GNG2: variants seen among roughly 807,000 people sequenced by gnomAD.
The protein encoded by GNG2 is guanine nucleotide-binding protein G(I)/G(S)/G(O) subunit gamma-2.
GNG2 carries 5 observed loss-of-function variants against 5.5 expected under a neutral mutation model. The ratio of observed to expected loss-of-function variants is 0.91; its 90% CI spans 0.48 to 1.92. The LOEUF is 1.92. GNG2 is among the 30% of genes most tolerant of loss of function. GNG2 has a pLI of 0.01. For missense variants in GNG2, 55 were observed against 88.4 expected, an observed-to-expected ratio of 0.62 and a Z score of 1.52; for synonymous variants, 28 against 32.0, an observed-to-expected ratio of 0.88 and a Z score of 0.42.
chr14:51,842,548 C>A (rs1050881615), intron 2 of GNG2, among the ~76,000 whole-genome samples: 1 of 152,172 alleles, frequency 6.6e-6, no homozygotes, highest in Non-Finnish European at 1.5e-5. Context: ...GAGGTCCCAC[C>A]CCAGTGGTCA....
intron 2 of GNG2, among the ~76,000 whole-genome samples, chr14:51,830,566 T>A (rs1336051729): frequency 6.6e-6 from 1 of 152,236 alleles, no homozygotes; most frequent in African/African-American, 2.4e-5. Context: ...TATATCCTTC[T>A]AATTAAGCCA....
upstream of GNG2, among the ~76,000 whole-genome samples, chr14:51,858,392 A>C (rs985513241): frequency 1.3e-5 from 2 of 152,222 alleles, no homozygotes; most frequent in African/African-American, 4.8e-5. Flanking sequence ...GAGTTTTATA[A>C]GGGCCAGAGA....
intron 2 of GNG2, among the ~76,000 whole-genome samples, chr14:51,908,416 A>C (rs989397793): frequency 6.6e-6 from 1 of 152,214 alleles, no homozygotes; most frequent in Non-Finnish European, 1.5e-5. Flanking sequence ...CACAGGCCCA[A>C]ATGCCTAGTT....
At chr14:51,960,172 T>C (rs1004597996) in intron 3 of GNG2, among the ~76,000 whole-genome samples, 19 of 130,938 alleles carry the variant, frequency 1.5e-4, no homozygotes, top group African/African-American at 5.2e-4. Context: ...TGTGTTTTGT[T>C]CATTTTTTTT....
At chr14:51,873,796 TG>T (rs769406812) in intron 1 of GNG2, 1 of 152,244 alleles carries the variant, frequency 6.6e-6, no homozygotes, top group Non-Finnish European at 1.5e-5. Flanking sequence ...TATTCTAATC[TG>T]GTTAGAGGCT....
intron 2 of GNG2, among the ~76,000 whole-genome samples, chr14:51,897,112 A>T (rs1195190534): frequency 1.3e-5 from 2 of 152,216 alleles, no homozygotes; most frequent in African/African-American, 4.8e-5. Context: ...TCCAGGAGTG[A>T]ATGTTGACTT....
intron 3 of GNG2, among the ~76,000 whole-genome samples, chr14:51,956,098 A>G (rs1889260276): frequency 2.0e-5 from 3 of 152,184 alleles, no homozygotes; most frequent in Admixed American, 2.0e-4. Context: ...ATTAGGAAAA[A>G]TGGAATACAA....
chr14:51,847,878 TTTC>T (rs1355533499), intron 2 of GNG2, among the ~76,000 whole-genome samples: 748 of 23,426 alleles, frequency 0.032, 12 homozygotes, highest in Middle Eastern at 0.081. Context: ...ACAGGTCCTT[TTTC>T]TTTTTTTTTT....
At chr14:51,859,337 G>A (rs1206370144), upstream of GNG2, among the ~76,000 whole-genome samples, 1 of 152,166 alleles carries the variant, frequency 6.6e-6, no homozygotes, top group Non-Finnish European at 1.5e-5. Context: ...ACTAGGGGGA[G>A]AATGACTCAC....
At chr14:51,904,841 G>T (rs889808147) in intron 2 of GNG2, among the ~76,000 whole-genome samples, 1 of 152,072 alleles carries the variant, frequency 6.6e-6, no homozygotes, top group East Asian at 1.9e-4. Context: ...ATTATTCTTC[G>T]GAAAGCACTT....
upstream of GNG2, among the ~76,000 whole-genome samples, chr14:51,857,176 C>T (rs1882202557): frequency 6.6e-6 from 1 of 152,192 alleles, no homozygotes; most frequent in Admixed American, 6.5e-5. Context: ...ACCAGTCATA[C>T]TCACAGAAAA....
At chr14:51,896,292 G>GT (rs1337162440) in intron 2 of GNG2, among the ~76,000 whole-genome samples, 1 of 152,132 alleles carries the variant, frequency 6.6e-6, no homozygotes, top group Non-Finnish European at 1.5e-5. Flanking sequence ...TAATTATCAA[G>GT]TTTTTTTATA....
At chr14:51,946,546 G>A (rs765990047) in intron 2 of GNG2, among the ~76,000 whole-genome samples, 5 of 152,136 alleles carry the variant, frequency 3.3e-5, no homozygotes, top group South Asian at 2.1e-4. Context: ...TTTCAGAGAC[G>A]GGTGTAAATG....
rs559834984 is a variant in GNG2 at position 51,888,475 on chromosome 14, C to T, written c.-30+10818C>T. 1.9e-3 allele frequency among the ~76,000 whole-genome samples: 286 copies of T among 152,204 alleles called. 2 individuals are homozygous for T. Among genetic ancestry groups the T allele is most frequent in the African/African-American group, 5.7e-3 (236 of 41,524 alleles). Reference sequence around the variant, plus strand: ...CTAGGACCACAGGTGCACACCACCACGCCTGGCTAATTTTTAAATGTTTTT... The same window carrying T: ...CTAGGACCACAGGTGCACACCACCATGCCTGGCTAATTTTTAAATGTTTTT... On this transcript the variant is annotated intron_variant, in intron 2 of 3. Coordinates refer to ENST00000556766, the MANE Select transcript of GNG2 (RefSeq NM_053064.5).
intron 2 of GNG2, among the ~76,000 whole-genome samples, chr14:51,885,588 AT>A (rs1773155406): frequency 7.4e-6 from 1 of 134,238 alleles, no homozygotes; most frequent in African/African-American, 2.5e-5. Context: ...GCCGTATTCT[AT>A]AACACACACA....
chr14:51,956,591 CTCCA>C (rs1889284687), intron 3 of GNG2, among the ~76,000 whole-genome samples: 1 of 152,086 alleles, frequency 6.6e-6, no homozygotes, highest in Non-Finnish European at 1.5e-5. Context: ...CATCTCAAGC[CTCCA>C]TCCAGTATAA....
rs1890080905 is a variant in GNG2 at position 51,969,037 on chromosome 14, T to G, written c.*2350T>G. 1 of 152,230 alleles carries G rather than the reference T, an allele frequency of 6.6e-6. No individual in the cohort carries two copies. The highest frequency in any genetic ancestry group is 2.1e-4 in the South Asian group (1 of 4,838). 9.4% of individuals were successfully genotyped at this position (152,230 alleles called of 1,614,324 possible). A position where few individuals can be genotyped will look rare whatever the true frequency, so the allele number is the denominator to read the frequency against. The stretch of plus-strand genomic sequence containing the variant: ...TTATATGAGTTTTGGCTTCTTGGTA[T>G]TTGTACTTATTCAGGGGAAAAAGTC... On this transcript the variant is annotated 3_prime_UTR_variant, in exon 4 of 4. Transcript: ENST00000556766.
At chr14:51,855,843 G>A (rs1042095801), upstream of GNG2, among the ~76,000 whole-genome samples, 3 of 152,156 alleles carry the variant, frequency 2.0e-5, no homozygotes, top group Admixed American at 2.0e-4. Context: ...TATCAAAGCT[G>A]AGACAGGGAA....
chr14:51,948,647 G>T (rs577244229), intron 2 of GNG2, among the ~76,000 whole-genome samples: 3 of 152,120 alleles, frequency 2.0e-5, no homozygotes, highest in African/African-American at 7.2e-5. Context: ...CGATGATTGG[G>T]TCTCTAACCA....
Sources: gnomAD v4.1 joint callset for allele counts (sites outside exome capture counted in the v4.1 genomes callset) on GRCh38, gnomAD v4.1.1 for gene constraint, MANE v1.5 for transcripts, NCBI Gene and HGNC (gene_info 2026-07-23, HGNC 2026-07-21) for gene names.